Variants in AR observed in about 807,000 individuals in gnomAD.
AR encodes androgen receptor, also known as dihydrotestosterone receptor.
AR carries 8 observed loss-of-function variants against 53.9 expected under a neutral mutation model. That is an observed-to-expected ratio of 0.15 (90% confidence interval 0.09 to 0.27). The LOEUF is 0.27. AR is among the 10% of genes least tolerant of loss of function. The pLI, the probability that AR is intolerant of heterozygous loss-of-function variation, is 1.00. For synonymous variants in AR, 359 were observed against 316.4 expected, an observed-to-expected ratio of 1.13 and a Z score of -1.43; for missense variants, 639 against 742.5, an observed-to-expected ratio of 0.86 and a Z score of 1.62.
chrX:67,685,076 G>A (rs1038061922), intron 2 of AR, among the ~76,000 whole-genome samples: 12 of 111,275 alleles, frequency 1.1e-4, no homozygotes, highest in Non-Finnish European at 2.1e-4. Context: ...GCTGGAGCAC[G>A]GTTGCAAGCA....
chrX:67,651,042 A>ATT lies in AR; in HGVS notation c.1768+7646_1768+7647dup, dbSNP rs371866919. 7.6e-3 allele frequency among the ~76,000 whole-genome samples: 784 copies of ATT among 102,882 alleles called. 7 individuals carry two copies. The highest frequency in any genetic ancestry group is 0.026 in the African/African-American group (746 of 28,378). 89.3% of individuals were successfully genotyped at this position (102,882 alleles called of 115,157 possible). Reference sequence around the variant, plus strand: ...ATAGCTTATTGATCATAAATGTGGCATTTTTTTTTTTTGAGACGGAGTCTT... The same window carrying ATT: ...ATAGCTTATTGATCATAAATGTGGCATTTTTTTTTTTTTTGAGACGGAGTCTT... On this transcript the variant is annotated intron_variant, in intron 2 of 7. Coordinates refer to ENST00000374690, the MANE Select transcript of AR (RefSeq NM_000044.6).
intron 2 of AR, among the ~76,000 whole-genome samples, chrX:67,662,061 G>A (rs999838946): frequency 1.5e-4 from 17 of 111,178 alleles, no homozygotes; most frequent in East Asian, 2.8e-4. Context: ...TTTTTATTGC[G>A]TCTATTTGAT....
In AR at chrX:67,727,258, C is replaced by G. The variant is rs1264023561; in HGVS notation, c.*3417C>G. On this transcript the variant is annotated 3_prime_UTR_variant, in exon 8 of 8. Coordinates refer to ENST00000374690, the MANE Select transcript of AR (RefSeq NM_000044.6). The stretch of plus-strand genomic sequence containing the variant: ...AGAAAGGGATATTTTGAAGGACTGT[C>G]ATATATCTTTGAAAAAAGAAAATCT... 6.0e-6 allele frequency: 1 copy of G among 166,694 alleles called. No individual in the cohort carries two copies. Among genetic ancestry groups the G allele is most frequent in the African/African-American group, 3.0e-5 (1 of 33,480 alleles). 13.7% of individuals were successfully genotyped at this position (166,694 alleles called of 1,213,427 possible).
At chrX:67,693,978 A>G (rs2076007796) in intron 3 of AR, among the ~76,000 whole-genome samples, 1 of 111,727 alleles carries the variant, frequency 9.0e-6, no homozygotes. Flanking sequence ...ACCTGCAGAA[A>G]ACTTGGACTG....
chrX:67,621,762 C>T (rs1362150698), intron 1 of AR, among the ~76,000 whole-genome samples: 1 of 111,396 alleles, frequency 9.0e-6, no homozygotes, highest in Non-Finnish European at 1.9e-5. Flanking sequence ...AATCAGAATA[C>T]AGAATGTTGA....
rs1315081227 is a variant in AR at position 67,545,835 on chromosome X, C to T, written c.689C>T (p.Ser230Leu). 1 of 1,212,116 alleles carries T rather than the reference C, an allele frequency of 8.3e-7. No individual in the cohort carries two copies. Among genetic ancestry groups the T allele is most frequent in the Non-Finnish European group, 1.1e-6 (1 of 895,583 alleles). ...SSKDNYLGGT[S>L]TISDNAKELC... ...AAGGACAATTACTTAGGGGGCACTT[C>T]GACCATTTCTGACAACGCCAAGGAG... Residue 230 changes from serine (S) to leucine (L), a missense_variant, in exon 1 of 8, where the codon TCG becomes TTG. By Grantham distance (145) the Ser-to-Leu change is moderately radical (BLOSUM62 -2). This residue lies in a region of AR where 423 missense variants were observed against 377.0 expected (regional missense o/e 1.12). Coordinates refer to ENST00000374690, the MANE Select transcript of AR (RefSeq NM_000044.6).
intron 2 of AR, among the ~76,000 whole-genome samples, chrX:67,666,004 A>C (rs777888664): frequency 1.8e-5 from 2 of 111,723 alleles, no homozygotes; most frequent in South Asian, 7.5e-4. Context: ...AGTGTATAAT[A>C]ATCACCAGAG....
chrX:67,659,460 A>G (rs192560753), intron 2 of AR, among the ~76,000 whole-genome samples: 1 of 110,834 alleles, frequency 9.0e-6, no homozygotes, highest in Admixed American at 9.6e-5. Context: ...GAGTGAGAAC[A>G]TGCGGTGTTT....
intron 2 of AR, among the ~76,000 whole-genome samples, chrX:67,668,689 C>CT (rs928781514): frequency 9.0e-6 from 1 of 110,980 alleles, no homozygotes; most frequent in Non-Finnish European, 1.9e-5. Flanking sequence ...GGGTCCTGGG[C>CT]TTTTTACTGC....
chrX:67,662,698 T>A (rs977025248), intron 2 of AR, among the ~76,000 whole-genome samples: 1 of 111,609 alleles, frequency 9.0e-6, no homozygotes, highest in Admixed American at 9.6e-5. Flanking sequence ...TCTGTAGATG[T>A]CTGTTAGGTC....
intron 1 of AR, among the ~76,000 whole-genome samples, chrX:67,638,692 G>T (rs1382705750): frequency 1.8e-5 from 2 of 111,735 alleles, no homozygotes; most frequent in East Asian, 5.6e-4. Context: ...TTGTAAATTT[G>T]TTTAAGTTCA....
intron 1 of AR, among the ~76,000 whole-genome samples, chrX:67,626,607 ATT>A (rs1491181178): frequency 2.0e-5 from 1 of 48,953 alleles, no homozygotes; most frequent in East Asian, 6.6e-4. Context: ...TGCCCGACTA[ATT>A]TTATATATAT....
chrX:67,679,950 C>T (rs182226541), intron 2 of AR, among the ~76,000 whole-genome samples: 105 of 111,951 alleles, frequency 9.4e-4, no homozygotes, highest in African/African-American at 3.3e-3. Context: ...ATGTTTTCTT[C>T]ATTGTCAATA....
chrX:67,640,713 T>C (rs1377465121), intron 1 of AR, among the ~76,000 whole-genome samples: 4 of 111,259 alleles, frequency 3.6e-5, no homozygotes, highest in South Asian at 3.8e-4. Context: ...TCTTTTCTTC[T>C]TTAGTAGTCT....
Position 67,706,960 on chromosome X carries a change from G to C in AR, c.1886-4442G>C, listed in dbSNP as rs747625968. ...AGTTTCCATGTAGTAGAGTGGTTTT[G>C]AGTGAGTTTCTTAATCCTGAGTTCC... On this transcript the variant is annotated intron_variant, in intron 3 of 7. Coordinates refer to ENST00000374690, the MANE Select transcript of AR (RefSeq NM_000044.6). Among the ~76,000 whole-genome samples, 6 of 112,051 alleles carry C rather than the reference G, an allele frequency of 5.4e-5. No individual in the cohort carries two copies. The South Asian group carries it at 2.3e-3, about 42-fold the overall frequency.
chrX:67,632,647 G>A (rs757981739), intron 1 of AR, among the ~76,000 whole-genome samples: 12 of 111,614 alleles, frequency 1.1e-4, no homozygotes, highest in South Asian at 3.7e-4. Context: ...GTTCCTATTC[G>A]GCCATCTTGG....
At chrX:67,694,595 G>A in intron 3 of AR, 2 of 1,138,523 alleles carry the variant, frequency 1.8e-6, no homozygotes, top group South Asian at 2.0e-5. Context: ...TCTGTCTTAG[G>A]CATCTGATTA....
At chrX:67,658,647 GAT>G (rs1489086996) in intron 2 of AR, among the ~76,000 whole-genome samples, 1 of 111,538 alleles carries the variant, frequency 9.0e-6, no homozygotes, top group Non-Finnish European at 1.9e-5. Context: ...ACTAGGGAGA[GAT>G]GTGTGAGTTC....
At chrX:67,562,358 G>A (rs1347044511) in intron 1 of AR, among the ~76,000 whole-genome samples, 1 of 70,961 alleles carries the variant, frequency 1.4e-5, no homozygotes, top group African/African-American at 7.9e-5. Context: ...TGGTGTATAT[G>A]TGTGTGTGTG....
Sources: gnomAD v4.1 joint callset for allele counts (sites outside exome capture counted in the v4.1 genomes callset) on GRCh38, gnomAD v4.1.1 for gene constraint, gnomAD v4.1.1 regional missense constraint, MANE v1.5 for transcripts, NCBI Gene and HGNC (gene_info 2026-07-23, HGNC 2026-07-21) for gene names.